SDK2: variants seen among roughly 807,000 people sequenced by gnomAD.
SDK2 encodes protein sidekick-2.
Under a neutral mutation model 253.9 loss-of-function variants are expected in SDK2, and 105 were observed. That is an observed-to-expected ratio of 0.41 (90% confidence interval 0.35 to 0.49). The LOEUF is 0.49. Among genes scored for constraint, SDK2 ranks in the 20% least tolerant of loss-of-function variants. The probability of loss-of-function intolerance (pLI) is 0.06; values close to 1 mark genes in which losing one functional copy is unlikely to be tolerated. For missense variants in SDK2, 2,608 were observed against 3,003.0 expected, an observed-to-expected ratio of 0.87 and a Z score of 3.07; for synonymous variants, 1,249 against 1,234.9, an observed-to-expected ratio of 1.01 and a Z score of -0.24.
intron 1 of SDK2, among the ~76,000 whole-genome samples, chr17:73,589,934 A>G (rs1177442782): frequency 6.6e-6 from 1 of 152,208 alleles, no homozygotes; most frequent in Non-Finnish European, 1.5e-5. Flanking sequence ...CTTAAAGAGA[A>G]AGCAAGCAGC....
Position 73,379,149 on chromosome 17 carries a change from C to T in SDK2, c.4980+28G>A, listed in dbSNP as rs1205506743. 2.0e-5 allele frequency: 31 copies of T among 1,513,960 alleles called. No homozygotes were observed. In the Admixed American group the frequency reaches 5.9e-4, roughly 29 times the overall value. The allele number at this position is 1,513,960 out of a possible 1,614,324, so 93.8% of individuals were successfully genotyped here. Reference sequence around the variant, plus strand: ...CCGACCTGGCTTCTCATCCGTGCACCCCTTTGCTCTGCCCGAGGGCACCCT... The same window carrying T: ...CCGACCTGGCTTCTCATCCGTGCACTCCTTTGCTCTGCCCGAGGGCACCCT... On this transcript the variant is annotated intron_variant, in intron 36 of 44. Coordinates refer to ENST00000392650, the MANE Select transcript of SDK2 (RefSeq NM_001144952.2). This position sits in a 1 kb window ranked among gnomAD's most constrained non-coding sequence, Gnocchi z 4.5.
chr17:73,627,960 G>A (rs2046223070), intron 1 of SDK2, among the ~76,000 whole-genome samples: 1 of 152,236 alleles, frequency 6.6e-6, no homozygotes, highest in African/African-American at 2.4e-5. Flanking sequence ...GCTGAGGCAG[G>A]AGAATGGCAT....
chr17:73,391,504 C>T lies in SDK2; in HGVS notation c.3933G>A (p.Glu1311=), dbSNP rs2062927929. ...PGPPMGILFP[E]VRTTSVRLIW... The stretch of plus-strand genomic sequence containing the variant: ...TCAGCCGCACAGACGTGGTCCGCAC[C>T]TCTGGGAACAGGATGCCCATGGGTG... Residue 1311 remains glutamate (E), a synonymous_variant, in exon 28 of 45, where the codon GAG becomes GAA. Coordinates refer to ENST00000392650, the MANE Select transcript of SDK2 (RefSeq NM_001144952.2). 1.5e-6 allele frequency: 2 copies of T among 1,306,916 alleles called. No homozygotes were observed. The highest frequency in any genetic ancestry group is 2.0e-6 in the Non-Finnish European group (2 of 1,019,708). The allele number at this position is 1,306,916 out of a possible 1,614,324, so 81.0% of individuals were successfully genotyped here.
chr17:73,358,050 G>A lies in SDK2; in HGVS notation c.5593+29C>T, dbSNP rs1247026159. ...GGAAGAAGGGAGATAATGAGCTGTG[G>A]GGTCTCAGCCCAGCAGGGCGGGGCG... On this transcript the variant is annotated intron_variant, in intron 40 of 44. Coordinates refer to ENST00000392650, the MANE Select transcript of SDK2 (RefSeq NM_001144952.2). 4.3e-6 allele frequency: 7 copies of A among 1,612,694 alleles called. No individual in the cohort carries two copies. The South Asian group carries it at 7.7e-5, about 18-fold the overall frequency.
intron 1 of SDK2, among the ~76,000 whole-genome samples, chr17:73,599,940 AT>A (rs1455859864): frequency 6.6e-6 from 1 of 152,274 alleles, no homozygotes; most frequent in Admixed American, 6.5e-5. Context: ...ACCTACGGTT[AT>A]TTGTCAAAGT....
intron 2 of SDK2, among the ~76,000 whole-genome samples, chr17:73,482,704 A>G (rs1024841371): frequency 6.6e-6 from 1 of 152,230 alleles, no homozygotes; most frequent in African/African-American, 2.4e-5. Flanking sequence ...AGTGGTCCCC[A>G]CAGAGGTCTG....
At position 73,390,349 on chromosome 17, in the gene SDK2, G is replaced by A; in HGVS notation, c.4130C>T (p.Ala1377Val). 6.2e-7 allele frequency: 1 copy of A among 1,610,810 alleles called. No homozygotes were observed. The highest frequency in any genetic ancestry group is 8.5e-7 in the Non-Finnish European group (1 of 1,179,674). Residue 1377 changes from alanine to valine, a missense_variant, in exon 29 of 45, where the codon GCC becomes GTC. Physicochemically the swap from Ala to Val is moderately conservative, Grantham distance 64 (BLOSUM62 0). This residue lies in a region of SDK2 where 1,103 missense variants were observed against 1,143.9 expected (regional missense o/e 0.96). Transcript: ENST00000392650. ...TTCTCCCCAGCCCTTGCGGGTCTGG[G>A]CCGTGATGCGGAACAGGTAGACAGA... The part of the protein sequence containing the change: ...PESVYLFRIT[A>V]QTRKGWGEAA...
At chr17:73,566,234 T>G (rs2045309964) in intron 1 of SDK2, among the ~76,000 whole-genome samples, 1 of 152,140 alleles carries the variant, frequency 6.6e-6, no homozygotes, top group South Asian at 2.1e-4. Context: ...GGAAGCTTCC[T>G]GAGGCCTCAC....
chr17:73,419,312 T>G lies in SDK2; in HGVS notation c.2046-6A>C. The G allele has an allele frequency of 6.2e-7, 1 of 1,610,670 alleles. No individual in the cohort carries two copies. Among genetic ancestry groups the G allele is most frequent in the Non-Finnish European group, 8.5e-7 (1 of 1,179,432 alleles). On this transcript the variant is annotated splice_polypyrimidine_tract_variant and splice_region_variant and intron_variant, in intron 15 of 44. Coordinates refer to ENST00000392650, the MANE Select transcript of SDK2 (RefSeq NM_001144952.2). The stretch of plus-strand genomic sequence containing the variant: ...GCTCCTCGGGGAGGGAGACCCTGGA[T>G]CACAAAACACCAATGCTCTTAGTCT...
intron 2 of SDK2, among the ~76,000 whole-genome samples, chr17:73,506,258 G>A (rs1339076872): frequency 6.6e-6 from 1 of 152,226 alleles, no homozygotes; most frequent in Non-Finnish European, 1.5e-5. Context: ...AGAAGGGGCT[G>A]CTCAGGGAGA....
intron 3 of SDK2, among the ~76,000 whole-genome samples, chr17:73,464,876 T>C (rs1307380370): frequency 6.6e-6 from 1 of 152,170 alleles, no homozygotes; most frequent in Non-Finnish European, 1.5e-5. Context: ...CTATAACCTA[T>C]ATATTATACA....
intron 2 of SDK2, among the ~76,000 whole-genome samples, chr17:73,474,168 A>T (rs2063670330): frequency 6.6e-6 from 1 of 152,102 alleles, no homozygotes. Flanking sequence ...CACCCAGCCA[A>T]TTTTTAACAA....
Position 73,398,002 on chromosome 17 carries a change from G to A in SDK2, c.3354+33C>T, listed in dbSNP as rs112870762. 31 of 1,603,604 alleles carry A rather than the reference G, an allele frequency of 1.9e-5. No homozygotes were observed. The African/African-American group carries it at 2.4e-4, about 12-fold the overall frequency. On this transcript the variant is annotated intron_variant, in intron 24 of 44. Coordinates refer to ENST00000392650, the MANE Select transcript of SDK2 (RefSeq NM_001144952.2). ...GAGGCAATGACCAGAAGCTCATGGA[G>A]AGGTCCCACCCCTGCCCTCGAGGGA... is the stretch of plus-strand genomic sequence containing the variant.
intron 2 of SDK2, among the ~76,000 whole-genome samples, chr17:73,490,599 C>T (rs2063799562): frequency 7.1e-6 from 1 of 140,272 alleles, no homozygotes; most frequent in Non-Finnish European, 1.5e-5. Context: ...GTAATCTCAG[C>T]TCACTGCAGC....
chr17:73,341,838 G>A (rs1034179530), intron 44 of SDK2, among the ~76,000 whole-genome samples: 2 of 152,164 alleles, frequency 1.3e-5, no homozygotes, highest in African/African-American at 2.4e-5. Context: ...AGTCTGAAAC[G>A]CTGACATGCA....
intron 3 of SDK2, among the ~76,000 whole-genome samples, chr17:73,456,490 C>T (rs116723300): frequency 3.1e-4 from 47 of 152,144 alleles, no homozygotes; most frequent in African/African-American, 1.1e-3. Context: ...TTCAGCATGG[C>T]GGGGGTTCCT....
rs201678481 is a variant in SDK2, at chr17:73,377,207, TC to T, written c.4980+1969del. Among the ~76,000 whole-genome samples, 527 of 150,984 alleles carry T rather than the reference TC, an allele frequency of 3.5e-3. 19 individuals are homozygous for T. In the East Asian group the frequency reaches 0.076, roughly 22 times the overall value. On this transcript the variant is annotated intron_variant, in intron 36 of 44. Coordinates refer to ENST00000392650, the MANE Select transcript of SDK2 (RefSeq NM_001144952.2). ...AGCTCTTCCAACCAGACAGACACAT[TC>T]CTTTTTTTTTTTTCTTTTTTTTTTT...
intron 1 of SDK2, among the ~76,000 whole-genome samples, chr17:73,590,710 T>A (rs1008381878): frequency 1.3e-5 from 2 of 152,214 alleles, no homozygotes; most frequent in African/African-American, 4.8e-5. Context: ...GAACATGGGC[T>A]GTGCATGGAA....
chr17:73,387,820 T>C lies in SDK2; in HGVS notation c.4394+16A>G, dbSNP rs1377322415. On this transcript the variant is annotated intron_variant, in intron 30 of 44. Coordinates refer to ENST00000392650, the MANE Select transcript of SDK2 (RefSeq NM_001144952.2). ...GAGAGGGGCAGTGGGGATGCTGGCATGGACCCGAGCCTTACCTGTCCACAA... is the reference window on the plus strand; with the variant it reads ...GAGAGGGGCAGTGGGGATGCTGGCACGGACCCGAGCCTTACCTGTCCACAA... 2.6e-6 allele frequency: 4 copies of C among 1,537,900 alleles called. No individual in the cohort carries two copies. The highest frequency in any genetic ancestry group is 3.5e-6 in the Non-Finnish European group (4 of 1,135,718).
Sources: allele counts gnomAD v4.1 joint callset (sites outside exome capture counted in the v4.1 genomes callset), GRCh38; gene constraint gnomAD v4.1.1; regional missense constraint gnomAD v4.1.1; non-coding constraint Gnocchi (gnomAD v3.1); transcripts MANE v1.5; gene names NCBI Gene and HGNC (gene_info 2026-07-23, HGNC 2026-07-21).